Variants in USP34 observed in about 807,000 individuals in gnomAD.
USP34 encodes ubiquitin specific peptidase 34.
In USP34, 70 loss-of-function variants were observed where a neutral mutation model predicts 460.3. That is an observed-to-expected ratio of 0.15 (90% CI 0.13 to 0.19). The LOEUF (loss-of-function observed/expected upper bound fraction) is 0.19, where lower values mean the gene tolerates loss of function less well. Among genes scored for constraint, USP34 ranks in the 10% least tolerant of loss-of-function variants. USP34 has a pLI of 1.00. For missense variants in USP34, 3,985 were observed against 4,236.2 expected, an observed-to-expected ratio of 0.94 and a Z score of 1.65; for synonymous variants, 1,647 against 1,405.3, an observed-to-expected ratio of 1.17 and a Z score of -3.85.
chr2:61,445,643 CAT>C (rs1440424549), intron 1 of USP34, among the ~76,000 whole-genome samples: 1 of 151,220 alleles, frequency 6.6e-6, no homozygotes, highest in African/African-American at 2.4e-5. Flanking sequence ...TCTAAATTAA[CAT>C]AAACTGTATA....
intron 47 of USP34, 32 bp downstream of exon 47, chr2:61,256,841 A>G (rs746902941): frequency 4.6e-6 from 7 of 1,509,492 alleles, no homozygotes; most frequent in Non-Finnish European, 6.2e-6. Flanking sequence ...GTAAAAGCAT[A>G]AAGTAAAAAA....
chr2:61,209,953 A>T (rs1368011982), intron 69 of USP34, among the ~76,000 whole-genome samples: 1 of 152,194 alleles, frequency 6.6e-6, no homozygotes, highest in Non-Finnish European at 1.5e-5. Context: ...AAGAAAAAAA[A>T]TTTAAATATG....
At chr2:61,231,855 T>C (rs1196882778) in intron 58 of USP34, among the ~76,000 whole-genome samples, 1 of 148,944 alleles carries the variant, frequency 6.7e-6, no homozygotes, top group Non-Finnish European at 1.5e-5. Flanking sequence ...TATAAATTTA[T>C]AAATATATAA....
intron 5 of USP34, among the ~76,000 whole-genome samples, chr2:61,384,351 G>A (rs893311968): frequency 6.6e-6 from 1 of 152,062 alleles, no homozygotes; most frequent in African/African-American, 2.4e-5. Context: ...CTGATACTGA[G>A]TCTTGACACA....
chr2:61,364,006 C>A (rs1255605529), intron 10 of USP34, among the ~76,000 whole-genome samples: 2 of 152,150 alleles, frequency 1.3e-5, no homozygotes, highest in African/African-American at 2.4e-5. Flanking sequence ...GTAAGCCACA[C>A]AGAGAAGGAC....
chr2:61,260,644 ACT>A (rs1688852345), intron 43 of USP34, among the ~76,000 whole-genome samples: 1 of 152,184 alleles, frequency 6.6e-6, no homozygotes, highest in Admixed American at 6.5e-5. Context: ...TATATATTAA[ACT>A]CAACAGGAAT....
intron 33 of USP34, among the ~76,000 whole-genome samples, chr2:61,292,963 A>G (rs190284672): frequency 3.3e-5 from 5 of 152,288 alleles, no homozygotes; most frequent in Admixed American, 2.0e-4. Context: ...GTAAAGTATT[A>G]TAAAATACAG....
Position 61,348,986 on chromosome 2 carries a change from T to C in USP34, c.1544-100A>G, listed in dbSNP as rs1691856699. 3.0e-6 allele frequency: 4 copies of C among 1,353,052 alleles called. No individual in the cohort carries two copies. The East Asian group carries it at 1.0e-4, about 34-fold the overall frequency. The allele number at this position is 1,353,052 out of a possible 1,614,324, so 83.8% of individuals were successfully genotyped here. On this transcript the variant is annotated intron_variant, in intron 13 of 79. Transcript: ENST00000398571. ...GATTCCTTGACCTAGTTACCAAAGCTTTATGCTAAGTAGCCAAAAATAAAA... is the reference window on the plus strand; with the variant it reads ...GATTCCTTGACCTAGTTACCAAAGCCTTATGCTAAGTAGCCAAAAATAAAA...
At chr2:61,446,206 C>CA (rs1474224414) in intron 1 of USP34, among the ~76,000 whole-genome samples, 1 of 151,368 alleles carries the variant, frequency 6.6e-6, no homozygotes, top group Non-Finnish European at 1.5e-5. Context: ...TATTTTCCAC[C>CA]AAAAAACACC....
At position 61,288,737 on chromosome 2, in the gene USP34, G is replaced by A. The variant is rs1171083390; in HGVS notation, c.4689C>T (p.Gly1563=). ...AESHRKRTWP[G]KSRKAAGDHA... ...GATCACCAGCAGCCTTCCTTGATTTGCCAGGCCAGGTTCTTTTCCTATGGC... is the reference window on the plus strand; with the variant it reads ...GATCACCAGCAGCCTTCCTTGATTTACCAGGCCAGGTTCTTTTCCTATGGC... Residue 1563 remains glycine (G), a synonymous_variant, in exon 34 of 80, where the codon GGC becomes GGT. Transcript: ENST00000398571. 2 of 1,613,986 alleles carry A rather than the reference G, an allele frequency of 1.2e-6. No homozygotes were observed. The highest frequency in any genetic ancestry group is 1.7e-6 in the Non-Finnish European group (2 of 1,179,946).
Position 61,188,767 on chromosome 2 carries a change from G to C in USP34, c.10034-58C>G, listed in dbSNP as rs1002964594. On this transcript the variant is annotated intron_variant, in intron 79 of 79. Coordinates refer to ENST00000398571, the MANE Select transcript of USP34 (RefSeq NM_014709.4). ...CTGAAAGTCATTAAGATCACGTTAG[G>C]GGGGGATGTGGGAAGTTAATTTTGT... The C allele has an allele frequency of 3.8e-5, 60 of 1,578,176 alleles. 1 individual carries two copies. In the Admixed American group the frequency reaches 5.1e-4, roughly 13 times the overall value.
intron 62 of USP34, among the ~76,000 whole-genome samples, chr2:61,223,816 C>T (rs1215863487): frequency 3.3e-5 from 5 of 152,232 alleles, no homozygotes; most frequent in African/African-American, 1.2e-4. Flanking sequence ...CAAGCCACTA[C>T]ACCTAGATTG....
In USP34 at chr2:61,399,733, C is replaced by T. The variant is rs914155538; in HGVS notation, c.553-4500G>A. On this transcript the variant is annotated intron_variant, in intron 3 of 79. Coordinates refer to ENST00000398571, the MANE Select transcript of USP34 (RefSeq NM_014709.4). ...TAAAAACACAAAAAAATTAGCCAGG[C>T]GTGGTGGCGGGCGCCTGTAATCCCA... is the stretch of plus-strand genomic sequence containing the variant. 4.7e-4 allele frequency among the ~76,000 whole-genome samples: 72 copies of T among 151,618 alleles called. 2 individuals are homozygous for T. Among genetic ancestry groups the T allele is most frequent in the Non-Finnish European group, 1.8e-4 (12 of 67,920 alleles).
chr2:61,405,730 T>C lies in USP34; in HGVS notation c.530A>G (p.His177Arg), dbSNP rs763639974. The change falls in exon 3 of 80, where the codon CAT becomes CGT. Residue 177 changes from histidine (H) to arginine (R), a missense_variant. Coordinates refer to ENST00000398571, the MANE Select transcript of USP34 (RefSeq NM_014709.4). ...IQFPLYTAYK[H>R]NTHPTIEDIS... ...TACCTCAATAGTAGGGTGAGTATTA[T>C]GCTTGTAAGCAGTATATAAGGGAAA... is the stretch of plus-strand genomic sequence containing the variant. The C allele has an allele frequency of 5.8e-6, 9 of 1,564,288 alleles. No individual in the cohort carries two copies. The highest frequency in any genetic ancestry group is 6.0e-6 in the Non-Finnish European group (7 of 1,160,134).
chr2:61,244,648 A>G (rs1688372956), intron 51 of USP34, among the ~76,000 whole-genome samples: 2 of 151,566 alleles, frequency 1.3e-5, no homozygotes, highest in African/African-American at 4.8e-5. Flanking sequence ...TCTTTTCTCA[A>G]TTATGTCACA....
chr2:61,452,842 G>A (rs1490986197), intron 1 of USP34, among the ~76,000 whole-genome samples: 6 of 146,084 alleles, frequency 4.1e-5, no homozygotes, highest in African/African-American at 7.7e-5. Context: ...TCTTGATCAC[G>A]CCACTCACTA....
At chr2:61,204,223 A>T (rs931159822) in intron 74 of USP34, 33 bp downstream of exon 74, 5 of 1,613,924 alleles carry the variant, frequency 3.1e-6, no homozygotes, top group Non-Finnish European at 4.2e-6. Context: ...TTTGTACTAT[A>T]GCAACATGGA....
intron 3 of USP34, among the ~76,000 whole-genome samples, chr2:61,400,787 G>T (rs759219738): frequency 6.6e-6 from 1 of 152,056 alleles, no homozygotes; most frequent in Non-Finnish European, 1.5e-5. Context: ...GGAGTTCAAG[G>T]CTACAATGAA....
chr2:61,239,212 T>C (rs1284630055), intron 53 of USP34, among the ~76,000 whole-genome samples: 1 of 151,664 alleles, frequency 6.6e-6, no homozygotes, highest in Non-Finnish European at 1.5e-5. Flanking sequence ...GGCCTCTCTG[T>C]ATCCAGTAAA....
Sources: allele counts gnomAD v4.1 joint callset (sites outside exome capture counted in the v4.1 genomes callset), GRCh38; gene constraint gnomAD v4.1.1; transcripts MANE v1.5; gene names NCBI Gene and HGNC (gene_info 2026-07-23, HGNC 2026-07-21).